The following MAML3 variants were observed in gnomAD, a reference collection of about 807,000 sequenced individuals.
MAML3 encodes the protein mastermind-like protein 3.
Under a neutral mutation model 101.9 loss-of-function variants are expected in MAML3, and 27 were observed. The observed-to-expected ratio is 0.27, with a 90% CI of 0.20 to 0.37. The LOEUF (loss-of-function observed/expected upper bound fraction) is 0.37, where lower values mean the gene tolerates loss of function less well. Among genes scored for constraint, MAML3 ranks in the 10% least tolerant of loss-of-function variants. The probability of loss-of-function intolerance (pLI) is 1.00; values close to 1 mark genes in which losing one functional copy is unlikely to be tolerated. For missense variants in MAML3, 1,316 were observed against 1,444.9 expected, an observed-to-expected ratio of 0.91 and a Z score of 1.45; for synonymous variants, 501 against 555.9, an observed-to-expected ratio of 0.90 and a Z score of 1.39.
At chr4:139,820,475 A>T (rs1041191679) in intron 2 of MAML3, among the ~76,000 whole-genome samples, 14 of 152,204 alleles carry the variant, frequency 9.2e-5, no homozygotes, top group African/African-American at 3.1e-4. Flanking sequence ...TTTAAGAAAG[A>T]TTAGTTATGG....
At chr4:140,112,002 C>T (rs576466036) in intron 1 of MAML3, among the ~76,000 whole-genome samples, 3 of 152,098 alleles carry the variant, frequency 2.0e-5, no homozygotes, top group Admixed American at 6.6e-5. Context: ...TCTGATGTTT[C>T]GTCATGATTA....
intron 2 of MAML3, among the ~76,000 whole-genome samples, chr4:139,862,046 TAAAAATAC>T: frequency 6.6e-6 from 1 of 152,202 alleles, no homozygotes; most frequent in East Asian, 1.9e-4. Flanking sequence ...CTGTCTCTAC[TAAAAATAC>T]AAAAATTAGC....
chr4:139,840,807 C>A (rs112592350), intron 2 of MAML3, among the ~76,000 whole-genome samples: 1 of 152,114 alleles, frequency 6.6e-6, no homozygotes, highest in Non-Finnish European at 1.5e-5. Context: ...TGGTGGCCAG[C>A]GAGCCCTCAC....
intron 2 of MAML3, among the ~76,000 whole-genome samples, chr4:139,853,231 A>G (rs957282920): frequency 5.3e-5 from 8 of 152,190 alleles, no homozygotes; most frequent in African/African-American, 1.7e-4. Context: ...CATCCATTTC[A>G]AATGGTACCA....
intron 1 of MAML3, among the ~76,000 whole-genome samples, chr4:140,059,708 T>C (rs1727411369): frequency 6.6e-6 from 1 of 152,130 alleles, no homozygotes; most frequent in South Asian, 2.1e-4. Context: ...GAGGCTGGGG[T>C]GAAAACTGAC....
chr4:139,827,165 C>T (rs141462413), intron 2 of MAML3, among the ~76,000 whole-genome samples: 485 of 152,084 alleles, frequency 3.2e-3, no homozygotes, highest in Non-Finnish European at 5.6e-3. Flanking sequence ...GAGGTGAAAT[C>T]AGAACATAGA....
At chr4:140,047,623 G>A (rs973769389) in intron 1 of MAML3, among the ~76,000 whole-genome samples, 1 of 152,074 alleles carries the variant, frequency 6.6e-6, no homozygotes, top group Admixed American at 6.6e-5. Context: ...GCCAACTGCA[G>A]GACAAGCCAG....
At chr4:139,787,095 C>T (rs1242344462) in intron 2 of MAML3, among the ~76,000 whole-genome samples, 1 of 152,162 alleles carries the variant, frequency 6.6e-6, no homozygotes, top group Non-Finnish European at 1.5e-5. Context: ...CCTTTTTGTT[C>T]AGCTTTCCCT....
intron 2 of MAML3, among the ~76,000 whole-genome samples, chr4:139,833,527 A>G (rs879795456): frequency 6.6e-6 from 1 of 152,150 alleles, no homozygotes; most frequent in Non-Finnish European, 1.5e-5. Flanking sequence ...GGGAAAGAGA[A>G]AAGACAGGAG....
chr4:139,769,702 G>A (rs13138573), intron 2 of MAML3, among the ~76,000 whole-genome samples: 98,468 of 151,450 alleles, frequency 0.65, 32,634 homozygotes, highest in South Asian at 0.75. Context: ...CACAACCTCC[G>A]CCTCTTGGGT....
At position 140,118,164 on chromosome 4, in the gene MAML3, G is replaced by GT. The variant is rs398064094; in HGVS notation, c.468+34695dup. ...CCCAGGTTAAAATATTTGTGGGTTT[G>GT]TTTTTTTTTTTTCCCTACCGTGTTC... On this transcript the variant is annotated intron_variant, in intron 1 of 4. Transcript: ENST00000509479. 4.5e-3 allele frequency among the ~76,000 whole-genome samples: 638 copies of GT among 141,488 alleles called. 6 individuals carry two copies. Among genetic ancestry groups the GT allele is most frequent in the African/African-American group, 0.013 (495 of 39,008 alleles). The allele number at this position is 141,488 out of a possible 152,430, so 92.8% of individuals were successfully genotyped here.
intron 2 of MAML3, among the ~76,000 whole-genome samples, chr4:139,830,237 T>A (rs1205823190): frequency 6.6e-6 from 1 of 151,894 alleles, no homozygotes; most frequent in Non-Finnish European, 1.5e-5. Context: ...GGCAAGAGGT[T>A]AAGTGGAGGA....
chr4:139,766,527 C>T (rs780094168), intron 2 of MAML3, among the ~76,000 whole-genome samples: 1 of 152,084 alleles, frequency 6.6e-6, no homozygotes, highest in African/African-American at 2.4e-5. Context: ...AGGGGAACTG[C>T]CAACAATTTC....
chr4:139,987,815 T>C (rs1361292985), intron 1 of MAML3, among the ~76,000 whole-genome samples: 2 of 151,334 alleles, frequency 1.3e-5, no homozygotes, highest in Admixed American at 1.3e-4. Flanking sequence ...AGGTCAGGAG[T>C]TCGAGACCAG....
chr4:140,065,594 A>C lies in MAML3; in HGVS notation c.468+87266T>G, dbSNP rs929397598. Among the ~76,000 whole-genome samples, 5 of 152,212 alleles carry C rather than the reference A, an allele frequency of 3.3e-5. No individual in the cohort carries two copies. The East Asian group carries it at 9.6e-4, about 29-fold the overall frequency. ...CACCACTTGTCAGACTAGCAAGGCT[A>C]GCAGAGTTTGTTGTGAGAATTTGGA... is the stretch of plus-strand genomic sequence containing the variant. On this transcript the variant is annotated intron_variant, in intron 1 of 4. Transcript: ENST00000509479.
rs1316696733 is a variant in MAML3 at position 139,890,476 on chromosome 4, A to T, written c.960T>A (p.Val320=). Residue 320 remains valine, a synonymous_variant, in exon 2 of 5, where the codon GTT becomes GTA. Transcript: ENST00000509479. This position sits in a 1 kb window ranked among gnomAD's most constrained non-coding sequence, Gnocchi z 4.1. The part of the protein sequence containing the change: ...QELIDELANT[V]PEDDIQDLFN... ...ACAGGTCCTGTATGTCATCCTCAGG[A>T]ACCGTGTTGGCCAATTCATCTATTA... The T allele has an allele frequency of 6.2e-7, 1 of 1,613,772 alleles. No individual in the cohort carries two copies. The highest frequency in any genetic ancestry group is 1.3e-5 in the African/African-American group (1 of 74,924).
intron 1 of MAML3, among the ~76,000 whole-genome samples, chr4:140,037,570 G>A (rs1269305904): frequency 6.6e-6 from 1 of 152,188 alleles, no homozygotes; most frequent in East Asian, 1.9e-4. Context: ...CTCCCACAAT[G>A]TGACTCACAG....
At chr4:139,744,599 C>T (rs1205304695) in intron 2 of MAML3, among the ~76,000 whole-genome samples, 3 of 152,182 alleles carry the variant, frequency 2.0e-5, no homozygotes, top group Non-Finnish European at 4.4e-5. Context: ...ATATGCATCC[C>T]ACTTTTTGAA....
At chr4:140,115,031 T>C (rs1439696807) in intron 1 of MAML3, among the ~76,000 whole-genome samples, 1 of 152,206 alleles carries the variant, frequency 6.6e-6, no homozygotes, top group Non-Finnish European at 1.5e-5. Context: ...TCTGAATTCA[T>C]ATCCTATAGA....
Sources: gnomAD v4.1 joint callset for allele counts (sites outside exome capture counted in the v4.1 genomes callset) on GRCh38, gnomAD v4.1.1 for gene constraint, Gnocchi (gnomAD v3.1) non-coding constraint, MANE v1.5 for transcripts, NCBI Gene and HGNC (gene_info 2026-07-23, HGNC 2026-07-21) for gene names.